Variants in DDX6 observed in about 807,000 individuals in gnomAD.
DDX6 encodes the protein DEAD-box helicase 6.
In DDX6, 7 loss-of-function variants were observed where a neutral mutation model predicts 60.6. The observed-to-expected ratio is 0.12, with a 90% CI of 0.07 to 0.22. The LOEUF is 0.22. DDX6 is among the 10% of genes least tolerant of loss of function. The probability of loss-of-function intolerance (pLI) is 1.00; values close to 1 mark genes in which losing one functional copy is unlikely to be tolerated. For missense variants in DDX6, 270 were observed against 589.9 expected, an observed-to-expected ratio of 0.46 and a Z score of 5.62; for synonymous variants, 207 against 201.0, an observed-to-expected ratio of 1.03 and a Z score of -0.25.
chr11:118,754,734 G>A lies in DDX6; in HGVS notation c.1430C>T (p.Pro477Leu). ...SLYVAEYHSE[P>L]VEDEKP is the part of the protein sequence containing the mutation. ...TTGTTAAGGTTTCTCATCTTCTACA[G>A]GCTCGCTGTGGTATTCTGCCACATA... Residue 477 changes from proline (P) to leucine (L), a missense_variant, in exon 13 of 14, where the codon CCT (proline) becomes CTT (leucine). This residue lies in a region of DDX6 where 34 missense variants were observed against 59.4 expected (regional missense o/e 0.57). Coordinates refer to ENST00000534980, the MANE Select transcript of DDX6 (RefSeq NM_004397.6). 1 of 1,611,454 alleles carries A rather than the reference G, an allele frequency of 6.2e-7. No individual in the cohort carries two copies. The highest frequency in any genetic ancestry group is 8.5e-7 in the Non-Finnish European group (1 of 1,179,234).
chr11:118,760,315 AT>A (rs1861121768), intron 7 of DDX6, among the ~76,000 whole-genome samples: 2 of 152,098 alleles, frequency 1.3e-5, no homozygotes, highest in African/African-American at 4.8e-5. Context: ...TAATTTATTT[AT>A]TTTTAGAGAC....
intron 4 of DDX6, among the ~76,000 whole-genome samples, chr11:118,778,068 T>TA (rs1861765577): frequency 6.6e-6 from 1 of 151,776 alleles, no homozygotes; most frequent in African/African-American, 2.4e-5. Flanking sequence ...TATAAGTCCA[T>TA]ACTGATAACA....
intron 7 of DDX6, among the ~76,000 whole-genome samples, chr11:118,762,211 G>C (rs1861194607): frequency 6.6e-6 from 1 of 151,652 alleles, no homozygotes; most frequent in Admixed American, 6.6e-5. Flanking sequence ...GGGAGGCAGA[G>C]GTTGTAGTGA....
intron 7 of DDX6, among the ~76,000 whole-genome samples, chr11:118,760,903 G>A (rs1348783146): frequency 6.6e-6 from 1 of 152,046 alleles, no homozygotes; most frequent in Admixed American, 6.6e-5. Flanking sequence ...ACTTTGGGAG[G>A]ACCAGGCGGG....
intron 8 of DDX6, 92 bp downstream of exon 8, chr11:118,759,830 G>A (rs1861106342): frequency 2.2e-6 from 3 of 1,356,624 alleles, no homozygotes; most frequent in Non-Finnish European, 3.0e-6. Context: ...TTAGCATAAA[G>A]TATATTCACA....
chr11:118,766,782 T>A (rs1555161355), intron 5 of DDX6, among the ~76,000 whole-genome samples: 1 of 151,616 alleles, frequency 6.6e-6, no homozygotes, highest in African/African-American at 2.4e-5. Flanking sequence ...ATTCATCATG[T>A]TGGCCCAGCT....
At chr11:118,782,920 T>G (rs540180) in intron 2 of DDX6, among the ~76,000 whole-genome samples, 93,825 of 152,038 alleles carry the variant, frequency 0.62, 29,476 homozygotes, top group East Asian at 0.7. Flanking sequence ...GTGAGCCACC[T>G]CACCCGGCCT....
intron 4 of DDX6, among the ~76,000 whole-genome samples, chr11:118,769,769 A>G (rs913603419): frequency 1.3e-5 from 2 of 152,174 alleles, no homozygotes; most frequent in African/African-American, 4.8e-5. Flanking sequence ...CAGTGGCACA[A>G]TCTCGGCTCA....
Position 118,785,969 on chromosome 11 carries a change from C to T in DDX6, c.200+83G>A, listed in dbSNP as rs558719788. On this transcript the variant is annotated intron_variant, in intron 2 of 13. Coordinates refer to ENST00000534980, the MANE Select transcript of DDX6 (RefSeq NM_004397.6). ...TGGAATCAAAATGGTTAAATTAAGG[C>T]ATAAGTATTAATAGTCAACACCAAA... 5 of 1,304,940 alleles carry T rather than the reference C, an allele frequency of 3.8e-6. No homozygotes were observed. In the African/African-American group the frequency reaches 5.9e-5, roughly 15 times the overall value. 80.8% of individuals were successfully genotyped at this position (1,304,940 alleles called of 1,614,324 possible).
intron 4 of DDX6, among the ~76,000 whole-genome samples, chr11:118,778,272 C>T (rs1232518066): frequency 6.6e-6 from 1 of 152,110 alleles, no homozygotes; most frequent in Non-Finnish European, 1.5e-5. Context: ...TTGCAAATCA[C>T]AAGATACGAA....
At chr11:118,764,584 C>CACGA (rs1861285610) in intron 6 of DDX6, among the ~76,000 whole-genome samples, 1 of 152,046 alleles carries the variant, frequency 6.6e-6, no homozygotes, top group South Asian at 2.1e-4. Flanking sequence ...GCAGGTGGAT[C>CACGA]ACGAGGTCAG....
At chr11:118,758,667 A>T (rs1861061220) in intron 9 of DDX6, 107 bp downstream of exon 9, 2 of 1,386,936 alleles carry the variant, frequency 1.4e-6, no homozygotes, top group Middle Eastern at 3.7e-4. Context: ...GCCAAGCCAG[A>T]AACACTACGA....
chr11:118,787,105 T>C (rs899116263), intron 1 of DDX6: 12 of 152,204 alleles, frequency 7.9e-5, no homozygotes, highest in African/African-American at 2.4e-4. Context: ...GAGAGGCCAA[T>C]GCGGGCGATC....
intron 9 of DDX6, 94 bp from the exon 10 acceptor site, chr11:118,757,381 T>C (rs1420050587): frequency 5.0e-6 from 3 of 598,034 alleles, no homozygotes; most frequent in Admixed American, 3.7e-5. Context: ...AAAAGAAACA[T>C]TAACATGGTC....
At chr11:118,774,930 G>T (rs1050215048) in intron 4 of DDX6, among the ~76,000 whole-genome samples, 1 of 152,146 alleles carries the variant, frequency 6.6e-6, no homozygotes, top group Non-Finnish European at 1.5e-5. Context: ...AGGTAGATAA[G>T]AATGGAAAGA....
chr11:118,760,278 C>G (rs186984742), intron 7 of DDX6, among the ~76,000 whole-genome samples: 1 of 152,242 alleles, frequency 6.6e-6, no homozygotes, highest in East Asian at 1.9e-4. Context: ...CAGACAACCT[C>G]CCCCGCTTTC....
At chr11:118,753,696 A>AC (rs1304886077) in intron 13 of DDX6, among the ~76,000 whole-genome samples, 4 of 152,162 alleles carry the variant, frequency 2.6e-5, no homozygotes, top group African/African-American at 9.7e-5. Flanking sequence ...ATTTGCTAAT[A>AC]AGGTATTATG....
intron 4 of DDX6, among the ~76,000 whole-genome samples, chr11:118,770,397 T>C (rs972570572): frequency 1.8e-4 from 27 of 152,308 alleles, no homozygotes; most frequent in African/African-American, 6.0e-4. Context: ...GTCCCTTCTA[T>C]GCCTGGGCTA....
intron 2 of DDX6, among the ~76,000 whole-genome samples, chr11:118,784,836 C>T (rs969631988): frequency 2.6e-5 from 4 of 151,922 alleles, no homozygotes; most frequent in Non-Finnish European, 5.9e-5. Context: ...ACTGCAACTC[C>T]GCCTCCCGGG....
Sources: gnomAD v4.1 joint callset for allele counts (sites outside exome capture counted in the v4.1 genomes callset) on GRCh38, gnomAD v4.1.1 for gene constraint, gnomAD v4.1.1 regional missense constraint, MANE v1.5 for transcripts, NCBI Gene and HGNC (gene_info 2026-07-23, HGNC 2026-07-21) for gene names.